MAGI2: variants seen among roughly 807,000 people sequenced by gnomAD.
The protein encoded by MAGI2 is membrane-associated guanylate kinase, WW and PDZ domain-containing protein 2.
MAGI2 carries 35 observed loss-of-function variants against 133.3 expected under a neutral mutation model. That is an observed-to-expected ratio of 0.26 (90% confidence interval 0.20 to 0.35). The LOEUF is 0.35. Ranked by LOEUF, MAGI2 falls within the 10% of genes least tolerant of loss-of-function variation. The pLI, the probability that MAGI2 is intolerant of heterozygous loss-of-function variation, is 1.00. For synonymous variants in MAGI2, 729 were observed against 710.6 expected, an observed-to-expected ratio of 1.03 and a Z score of -0.41; for missense variants, 1,636 against 1,863.4, an observed-to-expected ratio of 0.88 and a Z score of 2.25.
chr7:79,222,485 T>C (rs1306996386), intron 1 of MAGI2, among the ~76,000 whole-genome samples: 2 of 152,062 alleles, frequency 1.3e-5, no homozygotes, highest in Non-Finnish European at 2.9e-5. Flanking sequence ...ACACCTAGTT[T>C]AACCTTTAAT....
At chr7:78,296,552 T>A (rs529414293) in intron 9 of MAGI2, among the ~76,000 whole-genome samples, 1 of 152,212 alleles carries the variant, frequency 6.6e-6, no homozygotes, top group Non-Finnish European at 1.5e-5. Flanking sequence ...TATTCCAAGA[T>A]GCTGGGGCTT....
intron 6 of MAGI2, among the ~76,000 whole-genome samples, chr7:78,416,574 C>A (rs75494611): frequency 0.017 from 2,560 of 151,962 alleles, 73 homozygotes; most frequent in African/African-American, 0.06. Flanking sequence ...TTTTTTGCCT[C>A]CTAAATAATT....
At chr7:78,040,700 G>A (rs1355633407) in intron 21 of MAGI2, among the ~76,000 whole-genome samples, 5 of 152,172 alleles carry the variant, frequency 3.3e-5, no homozygotes, top group African/African-American at 1.2e-4. Context: ...GGTGGCAATC[G>A]GGATGACGTT....
intron 2 of MAGI2, among the ~76,000 whole-genome samples, chr7:78,881,428 TG>T (rs1795827384): frequency 2.1e-5 from 1 of 47,740 alleles, no homozygotes; most frequent in African/African-American, 8.6e-5. Flanking sequence ...GGGCCTGTCG[TG>T]GGATGGGGGG....
intron 6 of MAGI2, among the ~76,000 whole-genome samples, chr7:78,475,010 C>A (rs181399521): frequency 6.6e-6 from 1 of 151,868 alleles, no homozygotes; most frequent in East Asian, 1.9e-4. Context: ...GTTCATCTAT[C>A]CCTTTCTTGG....
chr7:78,948,150 C>T (rs1005774780), intron 2 of MAGI2, among the ~76,000 whole-genome samples: 1 of 152,040 alleles, frequency 6.6e-6, no homozygotes, highest in East Asian at 1.9e-4. Context: ...TATTTGGGCT[C>T]ACTGTCCTCT....
At chr7:78,741,095 T>C (rs142076488) in intron 2 of MAGI2, among the ~76,000 whole-genome samples, 7 of 152,166 alleles carry the variant, frequency 4.6e-5, no homozygotes, top group African/African-American at 1.2e-4. Flanking sequence ...TTTAACTTGA[T>C]TGGGGAGATT....
chr7:79,091,165 C>T (rs150111226), intron 1 of MAGI2, among the ~76,000 whole-genome samples: 2 of 151,934 alleles, frequency 1.3e-5, no homozygotes, highest in African/African-American at 4.8e-5. Flanking sequence ...TCAGAGTTTC[C>T]AAGATTTTTC....
At chr7:78,706,136 G>A (rs923383313) in intron 2 of MAGI2, among the ~76,000 whole-genome samples, 1 of 149,980 alleles carries the variant, frequency 6.7e-6, no homozygotes, top group South Asian at 2.2e-4. Context: ...AAATGATATG[G>A]TTTGGCTGTG....
chr7:78,936,928 T>C (rs1257544938), intron 2 of MAGI2, among the ~76,000 whole-genome samples: 1 of 152,046 alleles, frequency 6.6e-6, no homozygotes, highest in African/African-American at 2.4e-5. Flanking sequence ...ACATCTATTT[T>C]CTAGCTCTAT....
At chr7:78,514,525 C>T (rs1795880544) in intron 4 of MAGI2, among the ~76,000 whole-genome samples, 1 of 152,154 alleles carries the variant, frequency 6.6e-6, no homozygotes, top group African/African-American at 2.4e-5. Flanking sequence ...ACCCAGTACT[C>T]TGGGAACAAG....
At chr7:79,178,988 A>T (rs1294601845) in intron 1 of MAGI2, among the ~76,000 whole-genome samples, 1 of 151,936 alleles carries the variant, frequency 6.6e-6, no homozygotes, top group African/African-American at 2.4e-5. Flanking sequence ...TATTAATTAA[A>T]CAAATAATTT....
intron 1 of MAGI2, among the ~76,000 whole-genome samples, chr7:79,367,858 C>CACACACACACACACACAT: frequency 5.7e-5 from 5 of 87,108 alleles, no homozygotes; most frequent in African/African-American, 2.3e-4. Flanking sequence ...ATATATGTGA[C>CACACACACACACACACAT]ATATATATAT....
Position 78,286,105 on chromosome 7 carries a change from G to C in MAGI2, c.1409-29524C>G, listed in dbSNP as rs1371784365. Among the ~76,000 whole-genome samples, 3 of 152,244 alleles carry C rather than the reference G, an allele frequency of 2.0e-5. No individual in the cohort carries two copies. The East Asian group carries it at 5.8e-4, about 29-fold the overall frequency. ...AAATGTTTTAATATCCATTGTGTGT[G>C]TGTGCACACTAAATTTACGGTGTAA... On this transcript the variant is annotated intron_variant, in intron 9 of 21. Transcript: ENST00000354212.
chr7:79,171,768 ATATTT>A (rs1239281659), intron 1 of MAGI2, among the ~76,000 whole-genome samples: 360 of 20,868 alleles, frequency 0.017, 6 homozygotes, highest in African/African-American at 0.028. Flanking sequence ...ATATATATAT[ATATTT>A]TTTTTTTTTT....
chr7:78,832,085 A>AT (rs970311458), intron 2 of MAGI2, among the ~76,000 whole-genome samples: 8 of 151,480 alleles, frequency 5.3e-5, no homozygotes, highest in East Asian at 1.9e-4. Flanking sequence ...TTCTCTTGCT[A>AT]TTTTTTTTAA....
intron 6 of MAGI2, among the ~76,000 whole-genome samples, chr7:78,413,853 T>A (rs995064484): frequency 6.6e-6 from 1 of 152,044 alleles, no homozygotes; most frequent in Non-Finnish European, 1.5e-5. Flanking sequence ...TATAACTGTT[T>A]CAGTGGAAAA....
At chr7:78,027,896 T>A (rs772629333) in intron 21 of MAGI2, among the ~76,000 whole-genome samples, 1 of 152,240 alleles carries the variant, frequency 6.6e-6, no homozygotes, top group Non-Finnish European at 1.5e-5. Flanking sequence ...TATAAAACTC[T>A]TTCCTGTTGC....
At chr7:78,697,974 T>A (rs1248951164) in intron 2 of MAGI2, among the ~76,000 whole-genome samples, 1 of 152,302 alleles carries the variant, frequency 6.6e-6, no homozygotes, top group Middle Eastern at 3.4e-3. Context: ...AGTTCATTTC[T>A]TTAGGATGTT....
Sources: gnomAD v4.1 joint callset for allele counts (sites outside exome capture counted in the v4.1 genomes callset) on GRCh38, gnomAD v4.1.1 for gene constraint, MANE v1.5 for transcripts, NCBI Gene and HGNC (gene_info 2026-07-23, HGNC 2026-07-21) for gene names.